The following DYNC2H1 variants were observed in gnomAD, a reference collection of about 807,000 sequenced individuals.
DYNC2H1 encodes dynein cytoplasmic 2 heavy chain 1.
Under a neutral mutation model 570.0 loss-of-function variants are expected in DYNC2H1, and 410 were observed. That is an observed-to-expected ratio of 0.72 (90% CI 0.66 to 0.78). DYNC2H1 has a LOEUF of 0.78. Among genes scored for constraint, DYNC2H1 ranks in the 30% least tolerant of loss-of-function variants. The pLI, the probability that DYNC2H1 is intolerant of heterozygous loss-of-function variation, is 0.00. For missense variants in DYNC2H1, 4,865 were observed against 5,046.4 expected (o/e 0.96, Z 1.09); for synonymous variants, 1,688 against 1,677.6 (o/e 1.01, Z -0.15).
Position 103,256,060 on chromosome 11 carries a change from A to G in DYNC2H1, c.10327-46A>G. On this transcript the variant is annotated intron_variant, in intron 67 of 88. Coordinates refer to ENST00000375735, the MANE Select transcript of DYNC2H1 (RefSeq NM_001377.3). This position sits in a 1 kb window ranked among gnomAD's most constrained non-coding sequence, Gnocchi z 4.0. ...TAATATGGGTTTGCTTTAATTGGTT[A>G]TTTTTATATGTATAATAATATTCAT... 6.7e-7 allele frequency: 1 copy of G among 1,489,162 alleles called. No homozygotes were observed. Among genetic ancestry groups the G allele is most frequent in the Non-Finnish European group, 9.0e-7 (1 of 1,108,128 alleles). 92.2% of individuals were successfully genotyped at this position (1,489,162 alleles called of 1,614,324 possible).
chr11:103,184,487 A>T (rs1401783244), intron 40 of DYNC2H1, among the ~76,000 whole-genome samples: 1 of 151,880 alleles, frequency 6.6e-6, no homozygotes, highest in Non-Finnish European at 1.5e-5. Context: ...GTGGTTTGTC[A>T]TTTATGCCTG....
Position 103,220,719 on chromosome 11 carries a change from G to T in DYNC2H1, c.9043G>T (p.Asp3015Tyr). ...ACGCATGCCACCTGATGTAATTAGA[G>T]ATATTCTTGAAGGAGTTTTAAGGTT... ...SLRMPPDVIR[D>Y]ILEGVLRLMG... Residue 3015 changes from aspartate (D) to tyrosine (Y), a missense_variant, in exon 57 of 89, where the codon GAT (aspartate) becomes TAT (tyrosine). Asp to Tyr is a radical substitution (Grantham distance 160, BLOSUM62 -3). Coordinates refer to ENST00000375735, the MANE Select transcript of DYNC2H1 (RefSeq NM_001377.3). 6.2e-7 allele frequency: 1 copy of T among 1,613,078 alleles called. No individual in the cohort carries two copies. Among genetic ancestry groups the T allele is most frequent in the Non-Finnish European group, 8.5e-7 (1 of 1,179,342 alleles).
chr11:103,454,011 T>C (rs1944703295), intron 85 of DYNC2H1, among the ~76,000 whole-genome samples: 1 of 152,106 alleles, frequency 6.6e-6, no homozygotes, highest in Admixed American at 6.6e-5. Flanking sequence ...TTTCTGTTTA[T>C]ACAAAACATA....
At position 103,114,107 on chromosome 11, in the gene DYNC2H1, A is replaced by G. The variant is rs1298480297; in HGVS notation, c.371A>G (p.Gln124Arg). 41 of 1,609,628 alleles carry G rather than the reference A, an allele frequency of 2.5e-5. No individual in the cohort carries two copies. The highest frequency in any genetic ancestry group is 3.5e-5 in the Non-Finnish European group (41 of 1,177,860). The stretch of plus-strand genomic sequence containing the variant: ...CTCTTGTCTGTTTTTATTTAGGATC[A>G]GGAATGGAGCAGAAACTTTGATCCC... ...QVFAPMLLKD[Q>R]EWSRNFDPKL... The change falls in exon 3 of 89, where the codon CAG (glutamine) becomes CGG (arginine). Residue 124 changes from glutamine (Q) to arginine (R), a missense_variant. By Grantham distance (43) the Gln-to-Arg change is conservative. Around this residue, in one of 5 missense-constraint regions of DYNC2H1, gnomAD observed 1,936 missense variants for 1,962.1 expected, o/e 0.99. Transcript: ENST00000375735.
chr11:103,204,270 A>T lies in DYNC2H1; in HGVS notation c.8311+494A>T, dbSNP rs192065234. Among the ~76,000 whole-genome samples, 4 of 152,288 alleles carry T rather than the reference A, an allele frequency of 2.6e-5. No individual in the cohort carries two copies. Among genetic ancestry groups the T allele is most frequent in the Admixed American group, 1.3e-4 (2 of 15,294 alleles). Reference sequence around the variant, plus strand: ...TCCCGCAACACGTGGGGATTATGGGAGCTACAAAATGAGATTTGGGTAGGG... The same window carrying T: ...TCCCGCAACACGTGGGGATTATGGGTGCTACAAAATGAGATTTGGGTAGGG... On this transcript the variant is annotated intron_variant, in intron 51 of 88. Coordinates refer to ENST00000375735, the MANE Select transcript of DYNC2H1 (RefSeq NM_001377.3). The surrounding 1 kb of genome is among the most constrained non-coding windows in gnomAD (Gnocchi z 4.1).
At chr11:103,418,577 C>T (rs192727897) in intron 84 of DYNC2H1, among the ~76,000 whole-genome samples, 1 of 152,218 alleles carries the variant, frequency 6.6e-6, no homozygotes, top group African/African-American at 2.4e-5. Context: ...GAAGCAGCTG[C>T]AGTCTGTGGC....
chr11:103,176,435 G>T lies in DYNC2H1; in HGVS notation c.5874+1G>T. 2 of 1,506,226 alleles carry T rather than the reference G, an allele frequency of 1.3e-6. No homozygotes were observed. Among genetic ancestry groups the T allele is most frequent in the South Asian group, 1.4e-5 (1 of 70,130 alleles). The allele number at this position is 1,506,226 out of a possible 1,614,324, so 93.3% of individuals were successfully genotyped here. On this transcript the variant is annotated splice_donor_variant, in intron 37 of 88. Transcript: ENST00000375735. LOFTEE classifies it high-confidence loss of function. ...CAATTATGAAATTATACCCAATCAG[G>T]TAACTGTCAAGAATATTTTATAATA...
intron 59 of DYNC2H1, among the ~76,000 whole-genome samples, chr11:103,227,787 G>T (rs1863857059): frequency 6.6e-6 from 1 of 152,078 alleles, no homozygotes; most frequent in South Asian, 2.1e-4. Flanking sequence ...GAGTATTAAA[G>T]TTTCTCACTA....
rs10635156 is a variant in DYNC2H1, at chr11:103,202,294, A to ATT, written c.8198-1352_8198-1351dup. Among the ~76,000 whole-genome samples, 190 of 132,710 alleles carry ATT rather than the reference A, an allele frequency of 1.4e-3. 21 individuals carry two copies. The highest frequency in any genetic ancestry group is 2.9e-3 in the South Asian group (12 of 4,178). 87.1% of individuals were successfully genotyped at this position (132,710 alleles called of 152,430 possible). A position where few individuals can be genotyped will look rare whatever the true frequency, so the allele number is the denominator to read the frequency against. On this transcript the variant is annotated intron_variant, in intron 50 of 88. Coordinates refer to ENST00000375735, the MANE Select transcript of DYNC2H1 (RefSeq NM_001377.3). The stretch of plus-strand genomic sequence containing the variant: ...TTGGCTGATGAGACCAGAAACACAG[A>ATT]TTTTTTTTTTTTTTTTTTGGAAAGC...
chr11:103,144,101 C>A (rs1412600364), intron 18 of DYNC2H1, among the ~76,000 whole-genome samples: 1 of 152,160 alleles, frequency 6.6e-6, no homozygotes, highest in Non-Finnish European at 1.5e-5. Context: ...ATTGCTTATT[C>A]TCTGGTAGTG....
rs752332401 is a variant in DYNC2H1, at chr11:103,135,618, A to G, written c.2329A>G (p.Ile777Val). 6.2e-7 allele frequency: 1 copy of G among 1,613,112 alleles called. No homozygotes were observed. Among genetic ancestry groups the G allele is most frequent in the Admixed American group, 1.7e-5 (1 of 59,910 alleles). ...ALNENLPEIN[I>V]DLTYKQGRLQ... ...TAATGAGAATTTGCCAGAAATAAAT[A>G]TAGACTTAACTTACAAGTAAGATGT... Residue 777 changes from isoleucine to valine, a missense_variant, in exon 16 of 89, where the codon ATA (isoleucine) becomes GTA (valine). This residue lies in a region of DYNC2H1 where 1,936 missense variants were observed against 1,962.1 expected (regional missense o/e 0.99). Coordinates refer to ENST00000375735, the MANE Select transcript of DYNC2H1 (RefSeq NM_001377.3).
chr11:103,218,793 A>G (rs1179869966), intron 55 of DYNC2H1, among the ~76,000 whole-genome samples: 2 of 152,176 alleles, frequency 1.3e-5, no homozygotes, highest in East Asian at 1.9e-4. Context: ...TCCAGCAAAG[A>G]CCCAGGAGAA....
intron 84 of DYNC2H1, among the ~76,000 whole-genome samples, chr11:103,433,004 C>A (rs1197397336): frequency 6.6e-6 from 1 of 151,976 alleles, no homozygotes; most frequent in Non-Finnish European, 1.5e-5. Flanking sequence ...TTGTTTTTTC[C>A]CTCTAAACTC....
intron 59 of DYNC2H1, among the ~76,000 whole-genome samples, chr11:103,229,332 T>TG (rs1485758920): frequency 1.3e-5 from 2 of 152,234 alleles, no homozygotes; most frequent in African/African-American, 4.8e-5. Context: ...CTCCTCTGTC[T>TG]GTCTGAGTGG....
At chr11:103,229,092 C>A (rs74852115) in intron 59 of DYNC2H1, among the ~76,000 whole-genome samples, 3,451 of 152,290 alleles carry the variant, frequency 0.023, 113 homozygotes, top group African/African-American at 0.077. Flanking sequence ...TCCCACCATG[C>A]CCCAACAGCA....
chr11:103,393,976 CA>C (rs1942284973), intron 83 of DYNC2H1, among the ~76,000 whole-genome samples: 1 of 152,122 alleles, frequency 6.6e-6, no homozygotes, highest in Non-Finnish European at 1.5e-5. Context: ...AATTACCTCC[CA>C]CTGGGTCCCT....
chr11:103,414,648 A>C (rs968840896), intron 84 of DYNC2H1, among the ~76,000 whole-genome samples: 1 of 152,282 alleles, frequency 6.6e-6, no homozygotes, highest in South Asian at 2.1e-4. Context: ...ATCTCAGCCC[A>C]GAAACTCCTT....
chr11:103,193,218 A>G (rs1862388047), intron 47 of DYNC2H1, among the ~76,000 whole-genome samples: 1 of 152,200 alleles, frequency 6.6e-6, no homozygotes, highest in South Asian at 2.1e-4. Flanking sequence ...GCCTGATCAT[A>G]TTAATAGTTC....
At chr11:103,331,054 C>G (rs1165855508) in intron 82 of DYNC2H1, among the ~76,000 whole-genome samples, 1 of 152,126 alleles carries the variant, frequency 6.6e-6, no homozygotes, top group African/African-American at 2.4e-5. Flanking sequence ...GATGAAATTG[C>G]AGGGCAAAAA....
Sources: allele counts gnomAD v4.1 joint callset (sites outside exome capture counted in the v4.1 genomes callset), GRCh38; gene constraint gnomAD v4.1.1; regional missense constraint gnomAD v4.1.1; non-coding constraint Gnocchi (gnomAD v3.1); transcripts MANE v1.5; gene names NCBI Gene and HGNC (gene_info 2026-07-23, HGNC 2026-07-21).